Variants in DOCK11 observed in about 807,000 individuals in gnomAD.
DOCK11 encodes dedicator of cytokinesis 11.
DOCK11 carries 70 observed loss-of-function variants against 169.1 expected under a neutral mutation model. The ratio of observed to expected loss-of-function variants is 0.41; its 90% CI spans 0.34 to 0.51. The LOEUF (loss-of-function observed/expected upper bound fraction) is 0.51, where lower values mean the gene tolerates loss of function less well. Ranked by LOEUF, DOCK11 falls within the 20% of genes least tolerant of loss-of-function variation. The pLI is 0.10. For missense variants in DOCK11, 1,166 were observed against 1,538.8 expected, an observed-to-expected ratio of 0.76 and a Z score of 4.05; for synonymous variants, 529 against 541.3, an observed-to-expected ratio of 0.98 and a Z score of 0.32.
intron 45 of DOCK11, among the ~76,000 whole-genome samples, chrX:118,663,510 G>T (rs907182914): frequency 2.7e-5 from 3 of 110,324 alleles, no homozygotes; most frequent in Non-Finnish European, 5.7e-5. Flanking sequence ...CCACGACTAA[G>T]AGGTAGGAAA....
Position 118,544,645 on chromosome X carries a change from CTTTTTTTTTTTTTTTTTT to C in DOCK11, c.393-663_393-646del, listed in dbSNP as rs1157804079. 2.1e-4 allele frequency among the ~76,000 whole-genome samples: 5 copies of C among 23,345 alleles called. 1 individual carries two copies. The highest frequency in any genetic ancestry group is 2.9e-4 in the Non-Finnish European group (4 of 13,897). 20.3% of individuals were successfully genotyped at this position (23,345 alleles called of 115,157 possible). A position where few individuals can be genotyped will look rare whatever the true frequency, so the allele number is the denominator to read the frequency against. ...TGCAAGAGCCAGAATTACACTGTTG[CTTTTTTTTTTTTTTTTTT>C]TTTTTTTTTTTTTTGAGACAGAGTT... On this transcript the variant is annotated intron_variant, in intron 4 of 52. Coordinates refer to ENST00000276202, the MANE Select transcript of DOCK11 (RefSeq NM_144658.4).
chrX:118,549,097 G>T (rs2012388597), intron 6 of DOCK11, among the ~76,000 whole-genome samples: 1 of 51,477 alleles, frequency 1.9e-5, no homozygotes, highest in South Asian at 7.3e-4. Flanking sequence ...ATCCTCAGCT[G>T]CTCATATTCT....
chrX:118,506,921 CA>C (rs898786573), intron 1 of DOCK11, among the ~76,000 whole-genome samples: 3 of 110,198 alleles, frequency 2.7e-5, no homozygotes, highest in African/African-American at 9.8e-5. Flanking sequence ...CCCGTCTTTC[CA>C]AAAAAATAAA....
chrX:118,560,600 A>G (rs971707546), intron 6 of DOCK11, among the ~76,000 whole-genome samples: 5 of 111,936 alleles, frequency 4.5e-5, no homozygotes, highest in African/African-American at 9.7e-5. Context: ...AGAAGCATCA[A>G]TTCATCAGAG....
chrX:118,511,372 C>G (rs771003567), intron 1 of DOCK11, among the ~76,000 whole-genome samples: 8 of 111,471 alleles, frequency 7.2e-5, no homozygotes, highest in Non-Finnish European at 1.1e-4. Flanking sequence ...GGTAAATATT[C>G]AGATGTTTTC....
At chrX:118,586,383 T>C (rs2147415761) in intron 16 of DOCK11, among the ~76,000 whole-genome samples, 1 of 111,018 alleles carries the variant, frequency 9.0e-6, no homozygotes, top group East Asian at 2.8e-4. Context: ...GCACGTCTTT[T>C]GTGGTGGCAG....
At chrX:118,670,636 A>G (rs1464310510) in intron 45 of DOCK11, among the ~76,000 whole-genome samples, 2 of 112,080 alleles carry the variant, frequency 1.8e-5, no homozygotes. Context: ...ATATGGGTAA[A>G]TATTGTTTTA....
intron 40 of DOCK11, among the ~76,000 whole-genome samples, chrX:118,645,272 T>G (rs1418613842): frequency 8.9e-6 from 1 of 111,766 alleles, no homozygotes; most frequent in African/African-American, 3.3e-5. Context: ...TTGAGGACCT[T>G]CTCTGTGTCA....
At chrX:118,647,504 T>A (rs2015714034) in intron 40 of DOCK11, among the ~76,000 whole-genome samples, 1 of 69,807 alleles carries the variant, frequency 1.4e-5, no homozygotes, top group Non-Finnish European at 2.5e-5. Flanking sequence ...ATATAATATA[T>A]TATATAATAA....
intron 1 of DOCK11, among the ~76,000 whole-genome samples, chrX:118,508,783 T>C (rs769066331): frequency 7.8e-4 from 88 of 112,186 alleles, no homozygotes; most frequent in Admixed American, 1.3e-3. Flanking sequence ...GCAAGGGAAC[T>C]TGGCCTCCGT....
chrX:118,685,829 A>G lies in DOCK11; in HGVS notation c.*22A>G, dbSNP rs200896187. The G allele has an allele frequency of 2.5e-6, 3 of 1,206,079 alleles. No homozygotes were observed. The highest frequency in any genetic ancestry group is 1.8e-5 in the South Asian group (1 of 55,796). ...GTGAGGAAATGCAGATGTACGTGACAATGAGACTGACCTTTCTCAGGAATA... is the reference window on the plus strand; with the variant it reads ...GTGAGGAAATGCAGATGTACGTGACGATGAGACTGACCTTTCTCAGGAATA... On this transcript the variant is annotated 3_prime_UTR_variant, in exon 53 of 53. Coordinates refer to ENST00000276202, the MANE Select transcript of DOCK11 (RefSeq NM_144658.4).
intron 4 of DOCK11, among the ~76,000 whole-genome samples, chrX:118,543,811 G>A (rs1229650971): frequency 9.0e-6 from 1 of 111,513 alleles, no homozygotes; most frequent in Non-Finnish European, 1.9e-5. Flanking sequence ...TTAGCCGGGC[G>A]TGGTGGCAGG....
intron 14 of DOCK11, among the ~76,000 whole-genome samples, chrX:118,580,825 C>T (rs186457507): frequency 1.6e-3 from 174 of 111,373 alleles, no homozygotes; most frequent in Non-Finnish European, 1.2e-3. Context: ...TACAGTATAC[C>T]CCCTATTTCA....
chrX:118,672,587 C>G (rs993374510), intron 46 of DOCK11, among the ~76,000 whole-genome samples: 1 of 112,158 alleles, frequency 8.9e-6, no homozygotes, highest in Non-Finnish European at 1.9e-5. Flanking sequence ...CGCCCGCCAC[C>G]GCGCCCGACT....
intron 41 of DOCK11, 98 bp downstream of exon 41, chrX:118,649,225 G>A: frequency 1.5e-6 from 1 of 662,780 alleles, no homozygotes; most frequent in Non-Finnish European, 2.2e-6. Flanking sequence ...AATACAATGT[G>A]GCCATCTAGC....
In DOCK11 at chrX:118,563,697, A is replaced by T. The variant is rs57196369; in HGVS notation, c.693+2180A>T. Among the ~76,000 whole-genome samples the T allele has an allele frequency of 6.5e-5, 7 of 107,818 alleles. No homozygotes were observed. The East Asian group carries it at 2.0e-3, about 31-fold the overall frequency. The allele number at this position is 107,818 out of a possible 115,157, so 93.6% of individuals were successfully genotyped here. ...CATCTTTTTATTTTTATTATCATTT[A>T]AAAAATTTTTTTCTTTTCTTTTTTT... On this transcript the variant is annotated intron_variant, in intron 7 of 52. Transcript: ENST00000276202.
intron 46 of DOCK11, among the ~76,000 whole-genome samples, chrX:118,674,304 C>G (rs1051091982): frequency 4.5e-5 from 5 of 111,024 alleles, no homozygotes; most frequent in African/African-American, 1.6e-4. Context: ...CACCACCACT[C>G]CCGGCTAATT....
At chrX:118,670,732 G>T (rs889124371) in intron 45 of DOCK11, among the ~76,000 whole-genome samples, 1 of 111,179 alleles carries the variant, frequency 9.0e-6, no homozygotes, top group Non-Finnish European at 1.9e-5. Flanking sequence ...ATTCTTTCTC[G>T]ATGTGTTAAC....
chrX:118,663,047 A>G (rs1057286052), intron 45 of DOCK11, among the ~76,000 whole-genome samples: 1 of 112,218 alleles, frequency 8.9e-6, no homozygotes, highest in Non-Finnish European at 1.9e-5. Context: ...ATAAGAGTCA[A>G]CACATGTTGG....
Sources: allele counts gnomAD v4.1 joint callset (sites outside exome capture counted in the v4.1 genomes callset), GRCh38; gene constraint gnomAD v4.1.1; transcripts MANE v1.5; gene names NCBI Gene and HGNC (gene_info 2026-07-23, HGNC 2026-07-21).